The following RCC1L variants were observed in gnomAD, a reference collection of about 807,000 sequenced individuals.
RCC1L encodes RCC1-like G exchanging factor-like protein.
In RCC1L, 46 loss-of-function variants were observed where a neutral mutation model predicts 58.6. The observed-to-expected ratio is 0.79, with a 90% CI of 0.62 to 1.00. The LOEUF is 1.00. Among genes scored for constraint, RCC1L ranks in the 50% least tolerant of loss-of-function variants. The pLI, the probability that RCC1L is intolerant of heterozygous loss-of-function variation, is 0.00. For synonymous variants in RCC1L, 281 were observed against 262.9 expected (o/e 1.07, Z -0.67); for missense variants, 636 against 623.6 (o/e 1.02, Z -0.21).
rs1197244081 is a variant in RCC1L at position 75,053,778 on chromosome 7, T to C, written c.1232-982A>G. On this transcript the variant is annotated intron_variant, in intron 9 of 10. Transcript: ENST00000610322. ...GTCATGGGAGGCAGAGGAAGTGACA[T>C]GGAAAAGCCAGGACTACAAGACCTG... Among the ~76,000 whole-genome samples the C allele has an allele frequency of 2.0e-5, 3 of 152,120 alleles. No homozygotes were observed. The East Asian group carries it at 5.8e-4, about 29-fold the overall frequency.
chr7:75,029,244 C>T (rs1450461084), intron 10 of RCC1L, among the ~76,000 whole-genome samples: 1 of 152,206 alleles, frequency 6.6e-6, no homozygotes, highest in Non-Finnish European at 1.5e-5. Context: ...CCTAAGGCCA[C>T]CCTGGGCCCC....
At chr7:75,040,064 A>G (rs1340553483), downstream of RCC1L, among the ~76,000 whole-genome samples, 1 of 152,180 alleles carries the variant, frequency 6.6e-6, no homozygotes, top group Non-Finnish European at 1.5e-5. Flanking sequence ...CAGAAGGCAC[A>G]GCCAAGCAGC....
Position 75,061,295 on chromosome 7 carries a change from G to A in RCC1L, c.703-4C>T. 1.2e-6 allele frequency: 2 copies of A among 1,613,320 alleles called. No individual in the cohort carries two copies. The highest frequency in any genetic ancestry group is 1.7e-5 in the Admixed American group (1 of 59,984). On this transcript the variant is annotated splice_polypyrimidine_tract_variant and splice_region_variant and intron_variant, in intron 5 of 10. Transcript: ENST00000610322. ...TATGATCCTGACCACAGGCGACCTA[G>A]CAGACAAACAGAGGTAAGGGGGATG...
intron 10 of RCC1L, among the ~76,000 whole-genome samples, chr7:75,051,297 C>CAT (rs1387017472): frequency 6.8e-6 from 1 of 146,928 alleles, no homozygotes; most frequent in Admixed American, 6.9e-5. Context: ...CATATAAATA[C>CAT]ATACATATAT....
At chr7:75,039,542 T>A (rs887498706), downstream of RCC1L, among the ~76,000 whole-genome samples, 61 of 152,246 alleles carry the variant, frequency 4.0e-4, no homozygotes, top group African/African-American at 1.3e-3. Context: ...GAAATTAGTG[T>A]GGAGTGGCGG....
chr7:75,061,052 C>T (rs1402060265), intron 6 of RCC1L, among the ~76,000 whole-genome samples, 155 bp downstream of exon 6: 3 of 152,066 alleles, frequency 2.0e-5, no homozygotes, highest in Non-Finnish European at 2.9e-5. Flanking sequence ...CCAGCTTGGG[C>T]GATGGAGCCA....
chr7:75,064,747 C>T, intron 3 of RCC1L, 99 bp from the exon 4 acceptor site: 2 of 1,315,136 alleles, frequency 1.5e-6, no homozygotes, highest in East Asian at 4.6e-5. Flanking sequence ...GTCCTGGTTA[C>T]TCACCCCCAC....
At chr7:75,063,452 G>T in intron 4 of RCC1L, 109 bp from the exon 5 acceptor site, 10 of 1,139,282 alleles carry the variant, frequency 8.8e-6, no homozygotes, top group Non-Finnish European at 1.3e-5. Flanking sequence ...CGCTCACACA[G>T]TAACTGTTGG....
intron 2 of RCC1L, among the ~76,000 whole-genome samples, chr7:75,067,671 C>T (rs1312279021): frequency 6.6e-6 from 1 of 151,850 alleles, no homozygotes; most frequent in African/African-American, 2.4e-5. Context: ...AGCCAAGCAT[C>T]ATGGTGCATG....
chr7:75,071,328 C>A (rs1329492199), intron 1 of RCC1L, among the ~76,000 whole-genome samples: 2 of 152,104 alleles, frequency 1.3e-5, no homozygotes, highest in Non-Finnish European at 2.9e-5. Context: ...GTATTACCAT[C>A]CCCATTCACC....
chr7:75,045,096 C>T (rs1414986218), intron 10 of RCC1L, among the ~76,000 whole-genome samples: 1 of 152,060 alleles, frequency 6.6e-6, no homozygotes, highest in Non-Finnish European at 1.5e-5. Flanking sequence ...GCAGGCTTAA[C>T]CTCCTGGGCT....
chr7:75,071,151 T>C (rs1554446031), intron 1 of RCC1L, among the ~76,000 whole-genome samples: 1 of 152,172 alleles, frequency 6.6e-6, no homozygotes, highest in African/African-American at 2.4e-5. Flanking sequence ...CCACCGTGCC[T>C]GGCCCAAGAA....
chr7:75,064,304 T>G (rs1027697225), intron 4 of RCC1L, among the ~76,000 whole-genome samples: 6 of 147,254 alleles, frequency 4.1e-5, no homozygotes, highest in Non-Finnish European at 1.5e-5. Context: ...CACTCTGGCC[T>G]GGCGACAGAG....
At chr7:75,058,529 C>T in intron 7 of RCC1L, 59 bp downstream of exon 7, 11 of 1,548,128 alleles carry the variant, frequency 7.1e-6, no homozygotes, top group Non-Finnish European at 9.6e-6. Flanking sequence ...CCACACCCGG[C>T]CCCTTAACAC....
intron 2 of RCC1L, among the ~76,000 whole-genome samples, chr7:75,070,186 A>T (rs376274650): frequency 6.6e-6 from 1 of 152,192 alleles, no homozygotes; most frequent in African/African-American, 2.4e-5. Context: ...AGGCTAAAAA[A>T]TAACCTAGCC....
chr7:75,049,567 G>A lies in RCC1L; in HGVS notation c.1317+3144C>T, dbSNP rs887859991. On this transcript the variant is annotated intron_variant, in intron 10 of 10. Coordinates refer to ENST00000610322, the MANE Select transcript of RCC1L (RefSeq NM_030798.5). ...CCCATCCCACATCTCAGTTACTTGT[G>A]GGGCTGAGGCAGGAGGATAGCTTGA... 2.7e-3 allele frequency among the ~76,000 whole-genome samples: 405 copies of A among 152,140 alleles called. 1 individual carries two copies. Among genetic ancestry groups the A allele is most frequent in the Non-Finnish European group, 4.8e-3 (323 of 67,988 alleles).
chr7:75,071,569 G>A (rs1554446103), intron 1 of RCC1L, among the ~76,000 whole-genome samples: 1 of 152,154 alleles, frequency 6.6e-6, no homozygotes, highest in African/African-American at 2.4e-5. Flanking sequence ...GAACCTGGGA[G>A]GCAGAGGTTG....
chr7:75,065,791 G>A (rs587701825), intron 3 of RCC1L, among the ~76,000 whole-genome samples: 1 of 152,190 alleles, frequency 6.6e-6, no homozygotes, highest in African/African-American at 2.4e-5. Context: ...ACCGAGGTGG[G>A]CGGATCACCT....
intron 9 of RCC1L, among the ~76,000 whole-genome samples, chr7:75,053,231 GGGTCTGGGGGTGGTGGACA>G (rs1379540762): frequency 0.054 from 6,769 of 124,768 alleles, 433 homozygotes; most frequent in Non-Finnish European, 0.081. Flanking sequence ...CATGGAGTTG[GGGTCTGGGGGTGGTGGACA>G]GGTCTGGGGG....
Sources: gnomAD v4.1 joint callset for allele counts (sites outside exome capture counted in the v4.1 genomes callset) on GRCh38, gnomAD v4.1.1 for gene constraint, MANE v1.5 for transcripts, NCBI Gene and HGNC (gene_info 2026-07-23, HGNC 2026-07-21) for gene names.